Variants in ZNF280D observed in about 807,000 individuals in gnomAD.
The protein encoded by ZNF280D is suppressor of hairy wing homolog 4.
Under a neutral mutation model 94.7 loss-of-function variants are expected in ZNF280D, and 39 were observed. The observed-to-expected ratio is 0.41, with a 90% CI of 0.32 to 0.54. The LOEUF (loss-of-function observed/expected upper bound fraction) is 0.54. Ranked by LOEUF, ZNF280D falls within the 20% of genes least tolerant of loss-of-function variation. The pLI, the probability that ZNF280D is intolerant of heterozygous loss-of-function variation, is 0.22. For missense variants in ZNF280D, 1,090 were observed against 1,149.3 expected, an observed-to-expected ratio of 0.95 and a Z score of 0.75; for synonymous variants, 398 against 377.6, an observed-to-expected ratio of 1.05 and a Z score of -0.63.
At chr15:56,664,953 A>G (rs1414758656) in intron 16 of ZNF280D, among the ~76,000 whole-genome samples, 1 of 152,216 alleles carries the variant, frequency 6.6e-6, no homozygotes, top group Non-Finnish European at 1.5e-5. Context: ...TGGAAAAAGG[A>G]GTCAAAGCTC....
chr15:56,631,930 C>T lies in ZNF280D; in HGVS notation c.2508G>A (p.Val836=), dbSNP rs1383641186. 1.2e-6 allele frequency: 2 copies of T among 1,613,628 alleles called. No individual in the cohort carries two copies. The highest frequency in any genetic ancestry group is 1.3e-5 in the African/African-American group (1 of 74,872). The part of the protein sequence containing the change: ...SCDSNIGADK[V]EKKKQIQHVC... The stretch of plus-strand genomic sequence containing the variant: ...CGTGTTGTATTTGTTTTTTCTTTTC[C>T]ACTTTATCTGCACCAATATTTGAAT... The change falls in exon 22 of 22, where the codon GTG becomes GTA. Residue 836 remains valine, a synonymous_variant. Transcript: ENST00000267807.
At chr15:56,645,845 C>A (rs1270820535) in intron 19 of ZNF280D, among the ~76,000 whole-genome samples, 1 of 152,036 alleles carries the variant, frequency 6.6e-6, no homozygotes, top group African/African-American at 2.4e-5. Context: ...CCGTGCCCAG[C>A]CAATCCATAC....
rs116034351 is a variant in ZNF280D, at chr15:56,648,590, A to G, written c.2214-5593T>C. Among the ~76,000 whole-genome samples, 491 of 152,162 alleles carry G rather than the reference A, an allele frequency of 3.2e-3. 5 individuals carry two copies. Among genetic ancestry groups the G allele is most frequent in the African/African-American group, 0.011 (469 of 41,492 alleles). On this transcript the variant is annotated intron_variant, in intron 19 of 21. Transcript: ENST00000267807. ...GAATTTAAATTGAGGCTCTCCACTTAACAGGTATGTGCGACCTTGGGCAAA... is the reference window on the plus strand; with the variant it reads ...GAATTTAAATTGAGGCTCTCCACTTGACAGGTATGTGCGACCTTGGGCAAA...
chr15:56,638,016 C>T (rs1302380288), intron 20 of ZNF280D, among the ~76,000 whole-genome samples: 4 of 152,048 alleles, frequency 2.6e-5, no homozygotes, highest in African/African-American at 9.7e-5. Flanking sequence ...AGAACAGGAT[C>T]ATTTTTATTT....
In ZNF280D at chr15:56,722,845, T is replaced by C. The variant is rs568607876; in HGVS notation, c.-86+10613A>G. On this transcript the variant is annotated intron_variant, in intron 1 of 21. Transcript: ENST00000267807. ...AACCAACCCAAATGTCCAACAATGA[T>C]AGACTGGATTAAGAAAATGTGGCAC... 2.3e-3 allele frequency among the ~76,000 whole-genome samples: 343 copies of C among 151,830 alleles called. 2 individuals are homozygous for C. The highest frequency in any genetic ancestry group is 7.8e-3 in the African/African-American group (322 of 41,356).
At chr15:56,644,481 A>G (rs1217585568) in intron 19 of ZNF280D, among the ~76,000 whole-genome samples, 3 of 152,162 alleles carry the variant, frequency 2.0e-5, no homozygotes, top group Non-Finnish European at 4.4e-5. Flanking sequence ...ATAAATGTGT[A>G]TATTACAACT....
chr15:56,713,421 TAA>T (rs1221446534), intron 1 of ZNF280D, among the ~76,000 whole-genome samples: 1 of 152,210 alleles, frequency 6.6e-6, no homozygotes, highest in African/African-American at 2.4e-5. Flanking sequence ...ATTGGTTCAG[TAA>T]AGTTTGATCT....
intron 1 of ZNF280D, among the ~76,000 whole-genome samples, chr15:56,713,840 G>A (rs1289011958): frequency 6.6e-6 from 1 of 152,044 alleles, no homozygotes; most frequent in Non-Finnish European, 1.5e-5. Context: ...ATTCCATTAT[G>A]GAAAATTGGA....
intron 1 of ZNF280D, among the ~76,000 whole-genome samples, chr15:56,711,865 T>C (rs1463671635): frequency 5.9e-5 from 9 of 152,214 alleles, no homozygotes; most frequent in Admixed American, 3.3e-4. Context: ...CTAGATGGTA[T>C]TGCCTACTAC....
chr15:56,648,303 G>A (rs1596345469), intron 19 of ZNF280D, among the ~76,000 whole-genome samples: 1 of 151,986 alleles, frequency 6.6e-6, no homozygotes, highest in African/African-American at 2.4e-5. Context: ...CATCATTAGG[G>A]CAGTATTTCT....
intron 6 of ZNF280D, chr15:56,699,501 G>A (rs1381009351): frequency 1.1e-6 from 1 of 878,840 alleles, no homozygotes; most frequent in Admixed American, 6.2e-5. Flanking sequence ...GAACTAACAT[G>A]ACTGAAATAA....
intron 13 of ZNF280D, among the ~76,000 whole-genome samples, chr15:56,669,430 A>T (rs991077145): frequency 9.2e-5 from 14 of 152,084 alleles, no homozygotes; most frequent in African/African-American, 1.4e-4. Context: ...GTGGTTACAT[A>T]AACCAATGCT....
intron 1 of ZNF280D, among the ~76,000 whole-genome samples, chr15:56,720,268 G>A (rs1343619789): frequency 6.6e-6 from 1 of 152,064 alleles, no homozygotes; most frequent in Non-Finnish European, 1.5e-5. Flanking sequence ...CCAGGAATAG[G>A]TTCCATCTCA....
intron 6 of ZNF280D, chr15:56,699,688 G>T: frequency 1.7e-6 from 1 of 600,528 alleles, no homozygotes; most frequent in Non-Finnish European, 2.1e-6. Flanking sequence ...AAATCAGGTA[G>T]TTTACCTCAC....
intron 1 of ZNF280D, among the ~76,000 whole-genome samples, chr15:56,720,094 T>A (rs2058273376): frequency 6.6e-6 from 1 of 152,014 alleles, no homozygotes; most frequent in Admixed American, 6.6e-5. Context: ...TTACAAAAGG[T>A]TTCTTGGTAG....
chr15:56,688,828 C>A (rs184273076), intron 9 of ZNF280D: 2 of 305,500 alleles, frequency 6.5e-6, no homozygotes, highest in Non-Finnish European at 1.2e-5. Context: ...ATACAATAAG[C>A]ATACATTATA....
intron 1 of ZNF280D, chr15:56,724,773 G>A (rs2058549623): frequency 2.8e-6 from 1 of 355,804 alleles, no homozygotes; most frequent in Non-Finnish European, 5.5e-6. Context: ...AAAGACATCT[G>A]TTGTGTATAA....
At chr15:56,707,397 T>C (rs1311727109) in intron 1 of ZNF280D, 91 bp from the exon 2 acceptor site, 2 of 1,127,304 alleles carry the variant, frequency 1.8e-6, no homozygotes, top group African/African-American at 1.6e-5. Flanking sequence ...AGGTCAATTA[T>C]GTTTGATATA....
chr15:56,667,032 A>C, intron 14 of ZNF280D, 46 bp from the exon 15 acceptor site: 1 of 1,330,416 alleles, frequency 7.5e-7, no homozygotes, highest in Non-Finnish European at 9.9e-7. Flanking sequence ...TAATCAGTAC[A>C]TTAATATTAA....
Sources: allele counts gnomAD v4.1 joint callset (sites outside exome capture counted in the v4.1 genomes callset), GRCh38; gene constraint gnomAD v4.1.1; transcripts MANE v1.5; gene names NCBI Gene and HGNC (gene_info 2026-07-23, HGNC 2026-07-21).